Variants in PSD3 observed in about 807,000 individuals in gnomAD.
PSD3 encodes PH and SEC7 domain-containing protein 3.
In PSD3, 49 loss-of-function variants were observed where a neutral mutation model predicts 105.5. The ratio of observed to expected loss-of-function variants is 0.46; its 90% CI spans 0.37 to 0.59. PSD3 has a LOEUF of 0.59. Ranked by LOEUF, PSD3 falls within the 20% of genes least tolerant of loss-of-function variation. PSD3 has a pLI of 0.00. For missense variants in PSD3, 1,561 were observed against 1,263.8 expected (o/e 1.24, Z -3.57); for synonymous variants, 557 against 457.8 (o/e 1.22, Z -2.77).
At chr8:18,536,528 G>A (rs566002466) in intron 15 of PSD3, among the ~76,000 whole-genome samples, 8 of 152,284 alleles carry the variant, frequency 5.3e-5, no homozygotes, top group South Asian at 2.1e-4. Context: ...GTTTCCCTCC[G>A]TTGCTTTTCT....
intron 8 of PSD3, 146 bp from the exon 9 acceptor site, chr8:18,765,684 T>C: frequency 1.5e-6 from 1 of 688,004 alleles, no homozygotes; most frequent in Non-Finnish European, 2.5e-6. Flanking sequence ...TTCCACACTT[T>C]GGGAGGCCGA....
chr8:18,743,959 T>TCACCACCACCAC (rs111311023), intron 9 of PSD3, among the ~76,000 whole-genome samples: 3,842 of 138,734 alleles, frequency 0.028, 140 homozygotes, highest in East Asian at 0.14. Flanking sequence ...ACTCTGTCTC[T>TCACCACCACCAC]CACCACCACC....
At position 18,962,468 on chromosome 8, in the gene PSD3, G is replaced by C. The variant is rs182678495; in HGVS notation, c.22-26326C>G. On this transcript the variant is annotated intron_variant, in intron 1 of 15. Transcript: ENST00000327040. ...ATGACAACACACACACACAGCAAAA[G>C]GTATTTTTGGTGGGAGGAGGAGATA... 2.0e-5 allele frequency among the ~76,000 whole-genome samples: 3 copies of C among 152,224 alleles called. No homozygotes were observed. The East Asian group carries it at 5.8e-4, about 29-fold the overall frequency.
chr8:18,996,281 G>C (rs7839547), intron 1 of PSD3, among the ~76,000 whole-genome samples: 50,635 of 151,644 alleles, frequency 0.33, 8,899 homozygotes, highest in East Asian at 0.39. Flanking sequence ...CCTCAGATGA[G>C]AGCTAAAGAA....
chr8:18,808,618 T>C lies in PSD3; in HGVS notation c.1635-3720A>G, dbSNP rs1185580513. 5.1e-6 allele frequency: 6 copies of C among 1,179,124 alleles called. No homozygotes were observed. In the Admixed American group the frequency reaches 7.6e-5, roughly 15 times the overall value. The allele number at this position is 1,179,124 out of a possible 1,614,324, so 73.0% of individuals were successfully genotyped here. A position where few individuals can be genotyped will look rare whatever the true frequency, so the allele number is the denominator to read the frequency against. On this transcript the variant is annotated intron_variant, in intron 4 of 15. Transcript: ENST00000327040. ...AAAAGGTTTCAGTAAAAGGAGAAAA[T>C]AAAGCACAAAGGATAAATATGTCCC...
intron 12 of PSD3, among the ~76,000 whole-genome samples, chr8:18,587,716 G>C (rs1442478521): frequency 6.6e-6 from 1 of 152,062 alleles, no homozygotes; most frequent in Non-Finnish European, 1.5e-5. Context: ...TCATCTCATT[G>C]CTTAGTGAAT....
chr8:18,866,073 C>A (rs1816911520), intron 4 of PSD3, among the ~76,000 whole-genome samples: 1 of 152,210 alleles, frequency 6.6e-6, no homozygotes, highest in Non-Finnish European at 1.5e-5. Flanking sequence ...CTCTTCCACT[C>A]CCCAAACCAT....
In PSD3 at chr8:18,603,371, A is replaced by T. The variant is rs182887966; in HGVS notation, c.2411-2937T>A. ...TTAATGTTTACTTTTATCTTTATTG[A>T]TCACTTCTTTCTGTACCTCAGATTG... On this transcript the variant is annotated intron_variant, in intron 11 of 15. Transcript: ENST00000327040. Among the ~76,000 whole-genome samples, 638 of 151,920 alleles carry T rather than the reference A, an allele frequency of 4.2e-3. 4 individuals are homozygous for T. The highest frequency in any genetic ancestry group is 0.015 in the African/African-American group (610 of 41,382).
chr8:19,013,311 G>A (rs969269146), intron 1 of PSD3, among the ~76,000 whole-genome samples: 1 of 151,770 alleles, frequency 6.6e-6, no homozygotes, highest in Non-Finnish European at 1.5e-5. Context: ...AAAGTCTGAG[G>A]TTTTCAAAGC....
At chr8:18,961,197 C>G (rs4636242) in intron 1 of PSD3, among the ~76,000 whole-genome samples, 61,729 of 151,994 alleles carry the variant, frequency 0.41, 12,768 homozygotes, top group African/African-American at 0.43. Context: ...AGAAATTTTA[C>G]CTAAATCTGA....
Position 18,530,463 on chromosome 8 carries a change from T to A in PSD3, c.*5280A>T, listed in dbSNP as rs1799589335. ...TTCTTCCAAGTCAAGCGAGTACGGA[T>A]GCGGCACCACGAGAGTGGTTTGATC... On this transcript the variant is annotated 3_prime_UTR_variant, in exon 16 of 16. Coordinates refer to ENST00000327040, the MANE Select transcript of PSD3 (RefSeq NM_015310.4). The A allele has an allele frequency of 6.6e-6, 1 of 152,598 alleles. No homozygotes were observed. The highest frequency in any genetic ancestry group is 2.4e-5 in the African/African-American group (1 of 41,444). The allele number at this position is 152,598 out of a possible 1,614,324, so 9.5% of individuals were successfully genotyped here. A position where few individuals can be genotyped will look rare whatever the true frequency, so the allele number is the denominator to read the frequency against.
intron 1 of PSD3, chr8:18,989,203 A>T (rs1825663698): frequency 1.3e-5 from 2 of 152,214 alleles, no homozygotes; most frequent in African/African-American, 4.8e-5. Flanking sequence ...CTGGAGCTAG[A>T]CACTGCACAA....
intron 12 of PSD3, among the ~76,000 whole-genome samples, chr8:18,592,959 T>C (rs908172625): frequency 9.2e-5 from 14 of 152,142 alleles, no homozygotes; most frequent in African/African-American, 3.4e-4. Context: ...TTACACCTTA[T>C]ACAAAAATTA....
intron 8 of PSD3, among the ~76,000 whole-genome samples, chr8:18,777,963 G>A (rs536399302): frequency 2.3e-4 from 35 of 152,142 alleles, no homozygotes; most frequent in Admixed American, 2.0e-4. Flanking sequence ...CCACGTTACC[G>A]TAAATGCCAA....
intron 4 of PSD3, among the ~76,000 whole-genome samples, chr8:18,813,069 G>A (rs769732042): frequency 2.0e-5 from 3 of 152,094 alleles, no homozygotes; most frequent in African/African-American, 7.2e-5. Flanking sequence ...ACTAAATTGC[G>A]TGTCTGTGTG....
chr8:18,548,806 A>C (rs1394136489), intron 15 of PSD3, among the ~76,000 whole-genome samples: 1 of 152,136 alleles, frequency 6.6e-6, no homozygotes, highest in African/African-American at 2.4e-5. Flanking sequence ...CCTGTGGACC[A>C]CCTGGGGGAA....
At chr8:18,863,201 A>T (rs975400677) in intron 4 of PSD3, among the ~76,000 whole-genome samples, 6 of 152,202 alleles carry the variant, frequency 3.9e-5, no homozygotes, top group African/African-American at 1.4e-4. Flanking sequence ...ATGGAAATGG[A>T]CAATATCCAG....
chr8:18,624,938 G>A (rs944464800), intron 11 of PSD3, among the ~76,000 whole-genome samples: 7 of 151,862 alleles, frequency 4.6e-5, no homozygotes, highest in African/African-American at 1.7e-4. Flanking sequence ...GTCTTGCTAT[G>A]TTGCCCAGGC....
At chr8:18,944,457 G>C (rs371273618) in intron 1 of PSD3, among the ~76,000 whole-genome samples, 158 of 152,176 alleles carry the variant, frequency 1.0e-3, no homozygotes, top group African/African-American at 3.7e-3. Context: ...TGTAATCCCA[G>C]CTACTTGGGA....
Sources: gnomAD v4.1 joint callset for allele counts (sites outside exome capture counted in the v4.1 genomes callset) on GRCh38, gnomAD v4.1.1 for gene constraint, MANE v1.5 for transcripts, NCBI Gene and HGNC (gene_info 2026-07-23, HGNC 2026-07-21) for gene names.